The following ADAM28 variants were observed in gnomAD, a reference collection of about 807,000 sequenced individuals.
The protein encoded by ADAM28 is ADAM metallopeptidase domain 28, also known as disintegrin and metalloproteinase domain-containing protein 28.
ADAM28 carries 105 observed loss-of-function variants against 101.2 expected under a neutral mutation model. The ratio of observed to expected loss-of-function variants is 1.04; its 90% CI spans 0.89 to 1.22. ADAM28 has a LOEUF of 1.22. ADAM28 is among the 50% of genes most tolerant of loss of function. ADAM28 has a pLI of 0.00. For synonymous variants in ADAM28, 322 were observed against 310.6 expected (o/e 1.04, Z -0.39); for missense variants, 1,028 against 945.4 (o/e 1.09, Z -1.15).
At chr8:24,321,713 A>C (rs900000615) in intron 8 of ADAM28, among the ~76,000 whole-genome samples, 5 of 151,982 alleles carry the variant, frequency 3.3e-5, no homozygotes, top group Non-Finnish European at 7.4e-5. Flanking sequence ...CTAAAGCCTA[A>C]TGCATAGCTA....
chr8:24,351,895 C>T (rs1197032144), intron 20 of ADAM28, 92 bp from the exon 21 acceptor site: 9 of 1,283,986 alleles, frequency 7.0e-6, no homozygotes, highest in Non-Finnish European at 1.0e-5. Context: ...TTCCAAGCTT[C>T]CATGCCTTGA....
intron 9 of ADAM28, among the ~76,000 whole-genome samples, chr8:24,325,871 CAAAAAAAAAAAAAA>C (rs5890146): frequency 4.9e-5 from 1 of 20,420 alleles, no homozygotes; most frequent in East Asian, 1.5e-3. Context: ...GTACAGATAG[CAAAAAAAAAAAAAA>C]AAAAAAAAAA....
chr8:24,313,698 C>G, intron 6 of ADAM28, 118 bp downstream of exon 6: 1 of 967,370 alleles, frequency 1.0e-6, no homozygotes, highest in Non-Finnish European at 1.5e-6. Flanking sequence ...TATAGAGACA[C>G]TAATCCTTAA....
At chr8:24,315,214 G>C (rs1221219650) in intron 6 of ADAM28, among the ~76,000 whole-genome samples, 1 of 151,860 alleles carries the variant, frequency 6.6e-6, no homozygotes, top group Non-Finnish European at 1.5e-5. Flanking sequence ...ACATGCATAG[G>C]CTGAAAGAAA....
At chr8:24,351,589 C>T in intron 20 of ADAM28, 2 of 523,280 alleles carry the variant, frequency 3.8e-6, no homozygotes, top group Non-Finnish European at 3.5e-6. Context: ...TTCTCTCTCC[C>T]TCTCTCACAC....
chr8:24,332,622 G>T, intron 12 of ADAM28, 38 bp from the exon 13 acceptor site: 1 of 1,270,642 alleles, frequency 7.9e-7, no homozygotes, highest in Non-Finnish European at 1.1e-6. Context: ...GGACCAAAAA[G>T]TAATGTTGCA....
intron 2 of ADAM28, among the ~76,000 whole-genome samples, chr8:24,304,098 T>G (rs922742574): frequency 5.9e-5 from 9 of 151,702 alleles, no homozygotes; most frequent in Non-Finnish European, 1.0e-4. Flanking sequence ...TGAGGAAAAT[T>G]TAAACACAAG....
At chr8:24,325,545 A>C (rs1208773054) in intron 9 of ADAM28, among the ~76,000 whole-genome samples, 3 of 151,942 alleles carry the variant, frequency 2.0e-5, no homozygotes, top group Non-Finnish European at 4.4e-5. Flanking sequence ...AAAATGTAGA[A>C]TGAAGTATAA....
In ADAM28 at chr8:24,330,017, G is replaced by T; in HGVS notation, c.1005G>T (p.Gly335=). The T allele has an allele frequency of 5.6e-6, 9 of 1,613,584 alleles. No individual in the cohort carries two copies. Among genetic ancestry groups the T allele is most frequent in the Non-Finnish European group, 7.6e-6 (9 of 1,179,722 alleles). The change falls in exon 11 of 23, where the codon GGG becomes GGT. Residue 335 remains glycine (G), a synonymous_variant. Transcript: ENST00000265769. ...DHSDNLLRVA[G]TMAHEMGHNF... Reference sequence around the variant, plus strand: ...GCGATAATCTTCTTAGAGTTGCAGGGACAATGGCACATGAAATGGGCCACA... The same window carrying T: ...GCGATAATCTTCTTAGAGTTGCAGGTACAATGGCACATGAAATGGGCCACA...
In ADAM28 at chr8:24,349,894, C is replaced by G. The variant is rs1459095295; in HGVS notation, c.2021C>G (p.Pro674Arg). Residue 674 changes from proline to arginine, a missense_variant, in exon 19 of 23, where the codon CCA (proline) becomes CGA (arginine). Pro to Arg is a moderately radical substitution (Grantham distance 103). Coordinates refer to ENST00000265769, the MANE Select transcript of ADAM28 (RefSeq NM_014265.6). ...TCCATTGTGGTTGGGGTGCTGTTCC[C>G]AATGGCGGTCATTTTTGTGGTGGTT... Reference protein sequence around the residue: ...HFSIVVGVLFPMAVIFVVVAM... With the variant: ...HFSIVVGVLFRMAVIFVVVAM... 4 of 1,613,652 alleles carry G rather than the reference C, an allele frequency of 2.5e-6. No homozygotes were observed. The highest frequency in any genetic ancestry group is 1.7e-5 in the Admixed American group (1 of 59,990).
intron 14 of ADAM28, among the ~76,000 whole-genome samples, chr8:24,338,688 T>C (rs983639257): frequency 1.3e-5 from 2 of 152,238 alleles, no homozygotes; most frequent in Non-Finnish European, 1.5e-5. Flanking sequence ...TTAACTTAGC[T>C]TGCTGTTTGT....
chr8:24,336,990 GA>G (rs1814176309), intron 14 of ADAM28, among the ~76,000 whole-genome samples: 2 of 152,086 alleles, frequency 1.3e-5, no homozygotes, highest in African/African-American at 4.8e-5. Flanking sequence ...CATAATTCCT[GA>G]AAACAGAGCT....
At chr8:24,335,906 C>T (rs1813975151) in intron 14 of ADAM28, 1 of 1,143,228 alleles carries the variant, frequency 8.7e-7, no homozygotes, top group East Asian at 3.6e-5. Context: ...TCAGTATATC[C>T]CATGCAATAT....
Position 24,323,868 on chromosome 8 carries a change from T to G in ADAM28, c.755T>G (p.Val252Gly). 6.2e-7 allele frequency: 1 copy of G among 1,612,124 alleles called. No individual in the cohort carries two copies. Among genetic ancestry groups the G allele is most frequent in the South Asian group, 1.1e-5 (1 of 91,022 alleles). Residue 252 changes from valine (V) to glycine (G), a missense_variant, in exon 9 of 23, where the codon GTT becomes GGT. By Grantham distance (109) the Val-to-Gly change is moderately radical. Transcript: ENST00000265769. ...AAGCTCAATACTCATGTGGCCTTAG[T>G]TGGTATGGAAATCTGGACTGACAAG... ...YKKLNTHVAL[V>G]GMEIWTDKDK...
At chr8:24,352,081 C>T (rs751817358) in intron 21 of ADAM28, 29 bp downstream of exon 21, 11 of 1,596,722 alleles carry the variant, frequency 6.9e-6, no homozygotes, top group South Asian at 4.4e-5. Context: ...TTAAATACCA[C>T]CCTAGTTCAA....
intron 5 of ADAM28, 109 bp downstream of exon 5, chr8:24,311,546 A>G: frequency 1.3e-6 from 1 of 777,296 alleles, no homozygotes; most frequent in Non-Finnish European, 1.9e-6. Context: ...AGTTGAATAT[A>G]AATCATAAGG....
chr8:24,323,796 T>G (rs772704590), intron 8 of ADAM28, 38 bp from the exon 9 acceptor site: 8 of 1,566,992 alleles, frequency 5.1e-6, no homozygotes, highest in Non-Finnish European at 7.0e-6. Flanking sequence ...ATATCACCAT[T>G]ATAATTAATT....
At chr8:24,314,471 T>C (rs2129274232) in intron 6 of ADAM28, among the ~76,000 whole-genome samples, 1 of 152,288 alleles carries the variant, frequency 6.6e-6, no homozygotes, top group Middle Eastern at 3.4e-3. Flanking sequence ...TACTTTTATT[T>C]CTTATTGATA....
chr8:24,352,103 T>C, intron 21 of ADAM28, 51 bp downstream of exon 21: 1 of 1,528,800 alleles, frequency 6.5e-7, no homozygotes, highest in Non-Finnish European at 9.1e-7. Flanking sequence ...CTCCAGGAAA[T>C]ATCGGTGAAA....
Sources: allele counts gnomAD v4.1 joint callset (sites outside exome capture counted in the v4.1 genomes callset), GRCh38; gene constraint gnomAD v4.1.1; transcripts MANE v1.5; gene names NCBI Gene and HGNC (gene_info 2026-07-23, HGNC 2026-07-21).